LYPLA1: variants seen among roughly 807,000 people sequenced by gnomAD.
LYPLA1 encodes acyl-protein thioesterase 1.
Under a neutral mutation model 34.0 loss-of-function variants are expected in LYPLA1, and 17 were observed. The observed-to-expected ratio is 0.50, with a 90% CI of 0.34 to 0.75. LYPLA1 has a LOEUF of 0.75. LYPLA1 is among the 30% of genes least tolerant of loss of function. The pLI is 0.01. For synonymous variants in LYPLA1, 98 were observed against 100.8 expected (o/e 0.97, Z 0.17); for missense variants, 203 against 288.8 (o/e 0.70, Z 2.15).
chr8:54,081,111 A>C (rs928374842), intron 2 of LYPLA1, among the ~76,000 whole-genome samples: 1 of 152,274 alleles, frequency 6.6e-6, no homozygotes, highest in East Asian at 1.9e-4. Context: ...TGCTGTACTC[A>C]CTAGTTTCTA....
At chr8:54,085,738 C>T (rs1281644892) in intron 2 of LYPLA1, among the ~76,000 whole-genome samples, 2 of 149,440 alleles carry the variant, frequency 1.3e-5, no homozygotes, top group Admixed American at 6.7e-5. Context: ...GCCCCTCCGC[C>T]CGGCCAGCCG....
At chr8:54,088,281 T>C (rs1808951608) in intron 2 of LYPLA1, among the ~76,000 whole-genome samples, 1 of 152,268 alleles carries the variant, frequency 6.6e-6, no homozygotes, top group Non-Finnish European at 1.5e-5. Flanking sequence ...GAGAAGTTAC[T>C]ATTTATTCCT....
chr8:54,077,658 A>G (rs569755907), intron 2 of LYPLA1, among the ~76,000 whole-genome samples: 20 of 152,164 alleles, frequency 1.3e-4, no homozygotes, highest in Admixed American at 6.5e-5. Flanking sequence ...AAATAAATAA[A>G]AAGTTTATTC....
At chr8:54,080,151 T>C (rs561183787) in intron 2 of LYPLA1, among the ~76,000 whole-genome samples, 14 of 152,208 alleles carry the variant, frequency 9.2e-5, no homozygotes, top group African/African-American at 3.4e-4. Context: ...TTTGGGAGGC[T>C]GAGGTGGGTG....
intron 2 of LYPLA1, among the ~76,000 whole-genome samples, chr8:54,068,732 G>C (rs1335757364): frequency 1.3e-5 from 2 of 151,970 alleles, no homozygotes; most frequent in East Asian, 3.8e-4. Flanking sequence ...AAAACTAGAA[G>C]AAAACACACA....
chr8:54,073,708 T>C (rs1807668897), intron 2 of LYPLA1: 3 of 333,982 alleles, frequency 9.0e-6, no homozygotes, highest in Non-Finnish European at 1.7e-5. Context: ...ATTTCCAAAA[T>C]AGTCTCTAAC....
At chr8:54,058,041 G>A (rs1806335515) in intron 5 of LYPLA1, among the ~76,000 whole-genome samples, 1 of 152,020 alleles carries the variant, frequency 6.6e-6, no homozygotes. Context: ...TCAAGAGATG[G>A]ATTTTTAAAA....
intron 2 of LYPLA1, 109 bp from the exon 3 acceptor site, chr8:54,065,922 A>C (rs760683344): frequency 6.7e-6 from 5 of 745,830 alleles, no homozygotes; most frequent in Non-Finnish European, 1.2e-5. Context: ...TTAAATCCTA[A>C]AAATATGGTT....
chr8:54,061,141 C>T (rs1347138095), intron 5 of LYPLA1, among the ~76,000 whole-genome samples: 4 of 151,628 alleles, frequency 2.6e-5, no homozygotes, highest in East Asian at 3.9e-4. Context: ...AGTGCAATGG[C>T]GCAATCTCGG....
At chr8:54,057,707 T>C (rs149513773) in intron 5 of LYPLA1, among the ~76,000 whole-genome samples, 16 of 152,106 alleles carry the variant, frequency 1.1e-4, no homozygotes, top group African/African-American at 3.6e-4. Flanking sequence ...AGTTAATGGG[T>C]ACAAAAAAAA....
intron 2 of LYPLA1, among the ~76,000 whole-genome samples, chr8:54,094,472 G>T (rs1309364464): frequency 1.3e-5 from 2 of 152,162 alleles, no homozygotes; most frequent in Non-Finnish European, 2.9e-5. Flanking sequence ...TTACAAATAT[G>T]GAAAGGGAGA....
rs1805577805 is a variant in LYPLA1 at position 54,047,911 on chromosome 8, T to A, written c.*154A>T. 2.0e-6 allele frequency: 1 copy of A among 508,872 alleles called. No homozygotes were observed. Among genetic ancestry groups the A allele is most frequent in the Non-Finnish European group, 3.5e-6 (1 of 286,916 alleles). 31.5% of individuals were successfully genotyped at this position (508,872 alleles called of 1,614,324 possible). A position where few individuals can be genotyped will look rare whatever the true frequency, so the allele number is the denominator to read the frequency against. ...AACTTAAAAGATCATAAATTTCTCA[T>A]GAGGAGATATTATTTGATCTGTGTT... On this transcript the variant is annotated 3_prime_UTR_variant, in exon 9 of 9. Coordinates refer to ENST00000316963, the MANE Select transcript of LYPLA1 (RefSeq NM_006330.4).
intron 2 of LYPLA1, among the ~76,000 whole-genome samples, chr8:54,087,612 A>G (rs1808901075): frequency 6.6e-6 from 1 of 152,276 alleles, no homozygotes; most frequent in South Asian, 2.1e-4. Context: ...ATTTACAAAT[A>G]ATGTATCTGA....
At chr8:54,094,710 C>T (rs770568353) in intron 2 of LYPLA1, among the ~76,000 whole-genome samples, 85 of 152,150 alleles carry the variant, frequency 5.6e-4, no homozygotes, top group Non-Finnish European at 9.9e-4. Context: ...TGGCTGAGTC[C>T]AGGACTAGAG....
chr8:54,092,083 G>A (rs144592810), intron 2 of LYPLA1, among the ~76,000 whole-genome samples: 16 of 151,850 alleles, frequency 1.1e-4, no homozygotes, highest in African/African-American at 3.9e-4. Context: ...GCAAGGAGGA[G>A]GAGGAGGAAA....
At chr8:54,063,752 T>TA (rs1806834995) in intron 3 of LYPLA1, among the ~76,000 whole-genome samples, 10 of 152,246 alleles carry the variant, frequency 6.6e-5, no homozygotes, top group African/African-American at 1.9e-4. Context: ...ACACTGATAC[T>TA]GTAGCATCAA....
intron 8 of LYPLA1, among the ~76,000 whole-genome samples, chr8:54,049,008 A>G (rs1335536897): frequency 6.6e-6 from 1 of 152,106 alleles, no homozygotes; most frequent in African/African-American, 2.4e-5. Context: ...TGCTCTAGAG[A>G]CCTTCAGTCC....
chr8:54,060,698 T>C (rs1369778038), intron 5 of LYPLA1, among the ~76,000 whole-genome samples: 1 of 147,712 alleles, frequency 6.8e-6, no homozygotes, highest in Non-Finnish European at 1.5e-5. Context: ...CCTTTTTTTT[T>C]TTTTTTTTTT....
chr8:54,076,658 AG>A (rs1207384268), intron 2 of LYPLA1, among the ~76,000 whole-genome samples: 3 of 152,184 alleles, frequency 2.0e-5, no homozygotes, highest in African/African-American at 4.8e-5. Context: ...AATGAGGGCA[AG>A]GAACACCTGG....
Sources: gnomAD v4.1 joint callset for allele counts (sites outside exome capture counted in the v4.1 genomes callset) on GRCh38, gnomAD v4.1.1 for gene constraint, MANE v1.5 for transcripts, NCBI Gene and HGNC (gene_info 2026-07-23, HGNC 2026-07-21) for gene names.